The following TTC13 variants were observed in gnomAD, a reference collection of about 807,000 sequenced individuals.
TTC13 encodes tetratricopeptide repeat domain 13, also known as tetratricopeptide repeat protein 13.
A neutral mutation model predicts 120.0 loss-of-function variants in TTC13; 62 were observed. That is an observed-to-expected ratio of 0.52 (90% CI 0.42 to 0.64). The LOEUF (loss-of-function observed/expected upper bound fraction) is 0.64, where lower values mean the gene tolerates loss of function less well. TTC13 is among the 30% of genes least tolerant of loss of function. The pLI is 0.00. For missense variants in TTC13, 824 were observed against 1,050.2 expected, an observed-to-expected ratio of 0.78 and a Z score of 2.98; for synonymous variants, 384 against 393.5, an observed-to-expected ratio of 0.98 and a Z score of 0.28.
chr1:230,936,935 G>C (rs1049484610), intron 8 of TTC13, among the ~76,000 whole-genome samples: 9 of 152,206 alleles, frequency 5.9e-5, no homozygotes, highest in Admixed American at 5.9e-4. Flanking sequence ...AGATGCCGTT[G>C]GGATGAAGGA....
chr1:230,928,560 T>C (rs1043202360), intron 12 of TTC13, among the ~76,000 whole-genome samples: 6 of 152,344 alleles, frequency 3.9e-5, no homozygotes, highest in African/African-American at 1.4e-4. Context: ...CTAATCCATA[T>C]CACTGATTTC....
chr1:230,939,422 G>GT lies in TTC13; in HGVS notation c.863dup (p.Tyr288Ter). Residue 288 changes from tyrosine to a stop codon, truncating the protein, a stop_gained and frameshift_variant, in exon 8 of 23, where the codon TAC (tyrosine) becomes TAAC (stop). Coordinates refer to ENST00000366661, the MANE Select transcript of TTC13 (RefSeq NM_024525.5). LOFTEE classifies it high-confidence loss of function. ...CTCTGTGAAAGAAAGTTAAACCTTT[G>GT]TATAGCATAGCTATAGGCTGGTTTT... Reference protein sequence around the residue: ...LNKNQPIAMLYKGLTFFHRGL... With the variant: ...LNKNQPIAML 2 of 1,612,348 alleles carry GT rather than the reference G, an allele frequency of 1.2e-6. No individual in the cohort carries two copies. The highest frequency in any genetic ancestry group is 1.7e-6 in the Non-Finnish European group (2 of 1,178,730).
At chr1:230,928,874 T>C (rs1673281828) in intron 12 of TTC13, 63 bp downstream of exon 12, 5 of 1,576,788 alleles carry the variant, frequency 3.2e-6, no homozygotes, top group Non-Finnish European at 2.6e-6. Context: ...CGTGCCACCA[T>C]GCCCAGCTTA....
At chr1:230,912,326 A>G (rs1322185377) in intron 19 of TTC13, among the ~76,000 whole-genome samples, 1 of 152,212 alleles carries the variant, frequency 6.6e-6, no homozygotes, top group African/African-American at 2.4e-5. Context: ...AAGAAAATGG[A>G]AGAAAAAGGT....
Position 230,944,452 on chromosome 1 carries a change from G to C in TTC13, c.580-554C>G, listed in dbSNP as rs1316995849. On this transcript the variant is annotated intron_variant, in intron 5 of 22. Transcript: ENST00000366661. The surrounding 1 kb of genome is among the most constrained non-coding windows in gnomAD (Gnocchi z 4.0). Reference sequence around the variant, plus strand: ...TTTTAAAAGATGAGAATTAGGAAGAGGCAGCTCTGAACTTTACTACTGCAA... The same window carrying C: ...TTTTAAAAGATGAGAATTAGGAAGACGCAGCTCTGAACTTTACTACTGCAA... Among the ~76,000 whole-genome samples the C allele has an allele frequency of 1.3e-5, 2 of 152,086 alleles. No individual in the cohort carries two copies. The highest frequency in any genetic ancestry group is 2.4e-5 in the African/African-American group (1 of 41,396).
At chr1:230,914,841 T>C (rs547479326) in intron 18 of TTC13, among the ~76,000 whole-genome samples, 12 of 152,294 alleles carry the variant, frequency 7.9e-5, no homozygotes, top group South Asian at 6.2e-4. Flanking sequence ...AGTTTTGGGG[T>C]AGTCAAAGGT....
intron 15 of TTC13, among the ~76,000 whole-genome samples, chr1:230,922,218 C>G (rs1672642945): frequency 6.6e-6 from 1 of 152,146 alleles, no homozygotes; most frequent in Non-Finnish European, 1.5e-5. Context: ...GGAAGGTGGC[C>G]TTCCTCTAGC....
intron 4 of TTC13, among the ~76,000 whole-genome samples, chr1:230,949,296 G>A (rs1343790997): frequency 6.6e-6 from 1 of 150,824 alleles, no homozygotes; most frequent in Non-Finnish European, 1.5e-5. Flanking sequence ...CCCGATCCAG[G>A]GTAACAGGAA....
chr1:230,964,294 T>A lies in TTC13; in HGVS notation c.272-2991A>T, dbSNP rs115208469. On this transcript the variant is annotated intron_variant, in intron 1 of 22. Transcript: ENST00000366661. ...CCCACTTACAATAGATTCCAACAAA[T>A]AAAATTGCCAAGTCAAAGGGTGTGC... Among the ~76,000 whole-genome samples the A allele has an allele frequency of 3.2e-3, 493 of 152,304 alleles. 2 individuals carry two copies. The highest frequency in any genetic ancestry group is 0.011 in the African/African-American group (472 of 41,580).
intron 11 of TTC13, among the ~76,000 whole-genome samples, chr1:230,931,055 A>C (rs1252357714): frequency 1.3e-5 from 2 of 152,222 alleles, no homozygotes; most frequent in Admixed American, 1.3e-4. Context: ...TTTCAACTTA[A>C]GTAAAAAATG....
intron 14 of TTC13, 126 bp from the exon 15 acceptor site, chr1:230,924,059 C>T (rs1672828384): frequency 5.0e-6 from 3 of 602,880 alleles, no homozygotes; most frequent in East Asian, 6.0e-5. Context: ...ACGTGATGTC[C>T]ATACCTACAA....
intron 1 of TTC13, among the ~76,000 whole-genome samples, chr1:230,962,210 C>A (rs1474880266): frequency 4.8e-4 from 66 of 138,216 alleles, no homozygotes; most frequent in African/African-American, 5.3e-4. Context: ...AACTCTGACT[C>A]AAAAAAAAAA....
intron 14 of TTC13, 111 bp from the exon 15 acceptor site, chr1:230,924,044 T>C: frequency 4.4e-6 from 3 of 680,928 alleles, no homozygotes; most frequent in Non-Finnish European, 7.2e-6. Flanking sequence ...CCATCATATC[T>C]AAAAACGTGA....
rs917784495 is a variant in TTC13 at position 230,944,096 on chromosome 1, A to G, written c.580-198T>C. Among the ~76,000 whole-genome samples, 1 of 152,210 alleles carries G rather than the reference A, an allele frequency of 6.6e-6. No individual in the cohort carries two copies. The highest frequency in any genetic ancestry group is 1.5e-5 in the Non-Finnish European group (1 of 68,038). Reference sequence around the variant, plus strand: ...TTATTTAACTCACTCAAGTCTACCTACTTACTCAACAATAACATGTTAGAC... The same window carrying G: ...TTATTTAACTCACTCAAGTCTACCTGCTTACTCAACAATAACATGTTAGAC... On this transcript the variant is annotated intron_variant, in intron 5 of 22. Transcript: ENST00000366661. The surrounding 1 kb of genome is among the most constrained non-coding windows in gnomAD (Gnocchi z 4.0).
rs1671885272 is a variant in TTC13 at position 230,915,096 on chromosome 1, G to A, written c.2093+1097C>T. Among the ~76,000 whole-genome samples the A allele has an allele frequency of 3.9e-5, 6 of 152,300 alleles. No individual in the cohort carries two copies. The South Asian group carries it at 1.0e-3, about 26-fold the overall frequency. On this transcript the variant is annotated intron_variant, in intron 18 of 22. Transcript: ENST00000366661. ...ATAAGAAGCTTGAGGTAGAGATCAA[G>A]ACTTCAAAGATATAGAAAAGCCCTG...
At chr1:230,925,736 G>A (rs1474970757) in intron 12 of TTC13, 89 bp from the exon 13 acceptor site, 25 of 1,454,740 alleles carry the variant, frequency 1.7e-5, no homozygotes, top group Middle Eastern at 1.8e-4. Flanking sequence ...CTTCCTCCAC[G>A]GGAAAACTAA....
rs556510436 is a variant in TTC13 at position 230,929,110 on chromosome 1, A to G, written c.1301-17T>C. On this transcript the variant is annotated splice_polypyrimidine_tract_variant and intron_variant, in intron 11 of 22. Coordinates refer to ENST00000366661, the MANE Select transcript of TTC13 (RefSeq NM_024525.5). Reference sequence around the variant, plus strand: ...GAGAATACTCTGCAGAAAGGAAATGAGATCTGACACATCCAAATACTGCTA... The same window carrying G: ...GAGAATACTCTGCAGAAAGGAAATGGGATCTGACACATCCAAATACTGCTA... 18 of 1,611,402 alleles carry G rather than the reference A, an allele frequency of 1.1e-5. No individual in the cohort carries two copies. The South Asian group carries it at 1.7e-4, about 15-fold the overall frequency.
In TTC13 at chr1:230,910,007, G is replaced by A. The variant is rs552319459; in HGVS notation, c.2310-987C>T. Among the ~76,000 whole-genome samples, 4 of 152,300 alleles carry A rather than the reference G, an allele frequency of 2.6e-5. No homozygotes were observed. The South Asian group carries it at 8.3e-4, about 32-fold the overall frequency. Reference sequence around the variant, plus strand: ...GCAAAAGGCCATGGGACCCACTATTGTAACCACAGTGTTGTGCTTTTCCCA... The same window carrying A: ...GCAAAAGGCCATGGGACCCACTATTATAACCACAGTGTTGTGCTTTTCCCA... On this transcript the variant is annotated intron_variant, in intron 20 of 22. Coordinates refer to ENST00000366661, the MANE Select transcript of TTC13 (RefSeq NM_024525.5).
intron 4 of TTC13, among the ~76,000 whole-genome samples, chr1:230,952,577 G>A (rs542673594): frequency 6.6e-5 from 10 of 152,174 alleles, no homozygotes; most frequent in South Asian, 2.1e-4. Flanking sequence ...ATGAAAATAC[G>A]ATATCACATT....
Sources: allele counts gnomAD v4.1 joint callset (sites outside exome capture counted in the v4.1 genomes callset), GRCh38; gene constraint gnomAD v4.1.1; non-coding constraint Gnocchi (gnomAD v3.1); transcripts MANE v1.5; gene names NCBI Gene and HGNC (gene_info 2026-07-23, HGNC 2026-07-21).